The following CCSER1 variants were observed in gnomAD, a reference collection of about 807,000 sequenced individuals.
CCSER1 encodes serine-rich coiled-coil domain-containing protein 1.
CCSER1 carries 41 observed loss-of-function variants against 82.0 expected under a neutral mutation model. The observed-to-expected ratio is 0.50, with a 90% CI of 0.39 to 0.65. The LOEUF (loss-of-function observed/expected upper bound fraction) is 0.65. Ranked by LOEUF, CCSER1 falls within the 30% of genes least tolerant of loss-of-function variation. CCSER1 has a pLI of 0.00. For synonymous variants in CCSER1, 414 were observed against 383.9 expected, an observed-to-expected ratio of 1.08 and a Z score of -0.92; for missense variants, 1,119 against 1,064.2, an observed-to-expected ratio of 1.05 and a Z score of -0.72.
At chr4:91,439,836 T>C (rs562491194) in intron 10 of CCSER1, among the ~76,000 whole-genome samples, 240 of 152,134 alleles carry the variant, frequency 1.6e-3, no homozygotes, top group Admixed American at 2.5e-3. Context: ...TAAAACAGAC[T>C]TTAAACCAAC....
intron 6 of CCSER1, among the ~76,000 whole-genome samples, chr4:90,659,699 A>T (rs553650178): frequency 4.6e-5 from 7 of 152,192 alleles, no homozygotes; most frequent in African/African-American, 1.7e-4. Flanking sequence ...TTGCATTTCC[A>T]TTATCACTCT....
chr4:91,074,170 A>C (rs1362867219), intron 9 of CCSER1, among the ~76,000 whole-genome samples: 2 of 152,200 alleles, frequency 1.3e-5, no homozygotes, highest in African/African-American at 4.8e-5. Flanking sequence ...ACAAAACAGA[A>C]TAACTGGTAG....
At chr4:91,150,918 G>C (rs1380646849) in intron 10 of CCSER1, among the ~76,000 whole-genome samples, 1 of 152,154 alleles carries the variant, frequency 6.6e-6, no homozygotes, top group African/African-American at 2.4e-5. Flanking sequence ...CAGGGATATT[G>C]GTCTAAAATT....
At chr4:90,502,886 T>A (rs1274089168) in intron 5 of CCSER1, among the ~76,000 whole-genome samples, 1 of 152,220 alleles carries the variant, frequency 6.6e-6, no homozygotes, top group South Asian at 2.1e-4. Context: ...TTTTCTTTCC[T>A]CAAAGGTGTT....
chr4:90,541,132 A>T (rs1776049233), intron 5 of CCSER1, among the ~76,000 whole-genome samples: 1 of 152,040 alleles, frequency 6.6e-6, no homozygotes, highest in African/African-American at 2.4e-5. Flanking sequence ...GTGGCTAGGC[A>T]AGTAAAGAAG....
At chr4:90,461,689 C>A (rs1357209701) in intron 4 of CCSER1, among the ~76,000 whole-genome samples, 1 of 152,150 alleles carries the variant, frequency 6.6e-6, no homozygotes, top group East Asian at 1.9e-4. Flanking sequence ...CCTCACTTCA[C>A]TTTTCTTCAG....
chr4:91,486,809 T>C (rs1758245935), intron 10 of CCSER1, among the ~76,000 whole-genome samples: 1 of 152,046 alleles, frequency 6.6e-6, no homozygotes, highest in Non-Finnish European at 1.5e-5. Flanking sequence ...CTGGAACCAG[T>C]TGCCCTGGGA....
chr4:91,033,800 G>A (rs1431060857), intron 9 of CCSER1, among the ~76,000 whole-genome samples: 2 of 152,232 alleles, frequency 1.3e-5, no homozygotes, highest in African/African-American at 2.4e-5. Flanking sequence ...CAGCAGCACC[G>A]TAAGGAGAAG....
intron 5 of CCSER1, among the ~76,000 whole-genome samples, chr4:90,564,668 T>A (rs1779162628): frequency 6.8e-6 from 1 of 147,880 alleles, no homozygotes; most frequent in Admixed American, 6.7e-5. Context: ...GTCTTATATT[T>A]AAATATTTAA....
intron 10 of CCSER1, among the ~76,000 whole-genome samples, chr4:91,135,286 C>G (rs1174081684): frequency 6.6e-6 from 1 of 152,030 alleles, no homozygotes; most frequent in Admixed American, 6.5e-5. Flanking sequence ...TGTAAACTAA[C>G]TGGCCATGCT....
chr4:91,424,001 C>CTTTTTTTTTTTTT (rs1167472932), intron 10 of CCSER1, among the ~76,000 whole-genome samples: 3 of 77,472 alleles, frequency 3.9e-5, no homozygotes, highest in African/African-American at 5.3e-5. Context: ...CTCAGCAGAT[C>CTTTTTTTTTTTTT]TTTTTTTTTT....
intron 4 of CCSER1, among the ~76,000 whole-genome samples, chr4:90,412,446 C>A (rs1475197465): frequency 4.7e-5 from 7 of 150,164 alleles, no homozygotes; most frequent in Non-Finnish European, 4.4e-5. Context: ...GCATGTGTAC[C>A]CTAAAACTTA....
intron 10 of CCSER1, among the ~76,000 whole-genome samples, chr4:91,429,462 C>T (rs972699599): frequency 2.0e-5 from 3 of 151,790 alleles, no homozygotes; most frequent in Non-Finnish European, 4.4e-5. Context: ...GTTAAGAACC[C>T]ATTACGTGCC....
intron 9 of CCSER1, among the ~76,000 whole-genome samples, chr4:90,933,884 A>C (rs189677485): frequency 7.0e-4 from 107 of 152,014 alleles, no homozygotes; most frequent in Non-Finnish European, 1.3e-3. Context: ...AATATCATTC[A>C]ATCACGTGAA....
chr4:90,845,819 A>AC (rs1561237962), intron 8 of CCSER1, among the ~76,000 whole-genome samples: 6 of 152,168 alleles, frequency 3.9e-5, no homozygotes, highest in East Asian at 1.9e-4. Context: ...AAAAAAAAAA[A>AC]ACCAGATTTT....
intron 8 of CCSER1, among the ~76,000 whole-genome samples, chr4:90,831,517 C>T (rs992137920): frequency 2.6e-5 from 4 of 152,134 alleles, no homozygotes; most frequent in African/African-American, 9.7e-5. Flanking sequence ...ATGCCTATTA[C>T]ACTGTTGAAG....
intron 10 of CCSER1, among the ~76,000 whole-genome samples, chr4:91,392,363 G>GCACACACGCACGCACA (rs58770768): frequency 1.4e-5 from 2 of 148,118 alleles, no homozygotes; most frequent in Non-Finnish European, 3.0e-5. Flanking sequence ...ACCTACACAT[G>GCACACACGCACGCACA]CACACACACA....
chr4:90,890,807 C>T (rs1306373463), intron 8 of CCSER1, among the ~76,000 whole-genome samples: 1 of 152,016 alleles, frequency 6.6e-6, no homozygotes, highest in African/African-American at 2.4e-5. Flanking sequence ...CTGAGGATTC[C>T]AAGCAATAAT....
intron 10 of CCSER1, among the ~76,000 whole-genome samples, chr4:91,112,351 G>C (rs529033170): frequency 6.6e-6 from 1 of 151,750 alleles, no homozygotes; most frequent in Non-Finnish European, 1.5e-5. Flanking sequence ...ACTGTGTTCT[G>C]ACGGTTCTTA....
Sources: gnomAD v4.1 joint callset for allele counts (sites outside exome capture counted in the v4.1 genomes callset) on GRCh38, gnomAD v4.1.1 for gene constraint, MANE v1.5 for transcripts, NCBI Gene and HGNC (gene_info 2026-07-23, HGNC 2026-07-21) for gene names.